Variants in KPNB1 observed in about 807,000 individuals in gnomAD.
KPNB1 encodes the protein importin subunit beta-1.
A neutral mutation model predicts 113.0 loss-of-function variants in KPNB1; 7 were observed. That is an observed-to-expected ratio of 0.06 (90% confidence interval 0.04 to 0.12). The LOEUF (loss-of-function observed/expected upper bound fraction) is 0.12. Ranked by LOEUF, KPNB1 falls within the 10% of genes least tolerant of loss-of-function variation. The pLI is 1.00. For missense variants in KPNB1, 400 were observed against 1,054.8 expected (o/e 0.38, Z 8.60); for synonymous variants, 363 against 378.6 (o/e 0.96, Z 0.48).
intron 9 of KPNB1, among the ~76,000 whole-genome samples, chr17:47,665,850 A>G (rs1939703083): frequency 6.6e-6 from 1 of 152,216 alleles, no homozygotes; most frequent in Non-Finnish European, 1.5e-5. Flanking sequence ...ATTACCAAAG[A>G]GCTGCTAGTA....
At chr17:47,668,977 A>G (rs2030370856) in intron 10 of KPNB1, among the ~76,000 whole-genome samples, 1 of 151,106 alleles carries the variant, frequency 6.6e-6, no homozygotes. Context: ...AAAAAAAAAA[A>G]AAGAGTTTGT....
In KPNB1 at chr17:47,652,762, A is replaced by G; in HGVS notation, c.168A>G (p.Ala56=). ...GAAACAGTCAGGTTGCCAGAGTTGC[A>G]GCTGGTCTACAAATCAAGAACTCTT... The part of the protein sequence containing the change: ...NPGNSQVARV[A]AGLQIKNSLT... The change falls in exon 3 of 22, where the codon GCA becomes GCG. Residue 56 remains alanine, a synonymous_variant. Transcript: ENST00000290158. The G allele has an allele frequency of 6.2e-7, 1 of 1,613,706 alleles. No homozygotes were observed. Among genetic ancestry groups the G allele is most frequent in the Non-Finnish European group, 8.5e-7 (1 of 1,179,900 alleles).
At chr17:47,666,048 TG>T (rs1218223394) in intron 9 of KPNB1, among the ~76,000 whole-genome samples, 1 of 152,068 alleles carries the variant, frequency 6.6e-6, no homozygotes, top group African/African-American at 2.4e-5. Context: ...TTTTTGTTTT[TG>T]TTTTTGTTTT....
intron 8 of KPNB1, among the ~76,000 whole-genome samples, chr17:47,664,651 A>C (rs528609994): frequency 6.6e-6 from 1 of 152,278 alleles, no homozygotes; most frequent in Non-Finnish European, 1.5e-5. Flanking sequence ...TATGGAAGAG[A>C]ATGGGGAGTT....
At position 47,664,264 on chromosome 17, in the gene KPNB1, T is replaced by G; in HGVS notation, c.892T>G (p.Ser298Ala). The G allele has an allele frequency of 1.3e-6, 2 of 1,597,918 alleles. No homozygotes were observed. Among genetic ancestry groups the G allele is most frequent in the Non-Finnish European group, 1.7e-6 (2 of 1,165,284 alleles). ...DEEMDLAIEA[S>A]EAAEQGRPPE... ...GGAAATGGATTTGGCCATTGAAGCTTCAGAGGTGAGCTGGGGAGAACTATT... is the reference window on the plus strand; with the variant it reads ...GGAAATGGATTTGGCCATTGAAGCTGCAGAGGTGAGCTGGGGAGAACTATT... Residue 298 changes from serine (S) to alanine (A), a missense_variant, in exon 8 of 22, where the codon TCA becomes GCA. Ser to Ala is a moderately conservative substitution (Grantham distance 99). Transcript: ENST00000290158.
At chr17:47,671,010 CTT>C (rs998880593) in intron 12 of KPNB1, among the ~76,000 whole-genome samples, 178 bp downstream of exon 12, 7 of 152,258 alleles carry the variant, frequency 4.6e-5, no homozygotes, top group African/African-American at 1.7e-4. Context: ...ATTCCCAGCA[CTT>C]TGGGAGGCCA....
chr17:47,651,556 G>C (rs1402139363), intron 2 of KPNB1, among the ~76,000 whole-genome samples: 1 of 152,186 alleles, frequency 6.6e-6, no homozygotes, highest in Admixed American at 6.5e-5. Context: ...TTTCCTAGAA[G>C]AGATTTTTCC....
chr17:47,658,789 A>G, intron 5 of KPNB1, 129 bp downstream of exon 5: 1 of 719,052 alleles, frequency 1.4e-6, no homozygotes, highest in Non-Finnish European at 2.2e-6. Flanking sequence ...ATTTGTTTCC[A>G]GTTTAGTCGA....
At chr17:47,663,018 T>C in intron 6 of KPNB1, 71 bp from the exon 7 acceptor site, 1 of 823,716 alleles carries the variant, frequency 1.2e-6, no homozygotes, top group South Asian at 1.3e-5. Flanking sequence ...TATTGGCCCA[T>C]TTGAGTGAAT....
At chr17:47,677,192 G>A in intron 17 of KPNB1, 65 bp downstream of exon 17, 1 of 1,179,006 alleles carries the variant, frequency 8.5e-7, no homozygotes, top group Non-Finnish European at 1.2e-6. Context: ...TGGAAAGATA[G>A]TTAAATATCG....
intron 18 of KPNB1, 59 bp from the exon 19 acceptor site, chr17:47,678,249 A>C: frequency 6.2e-7 from 1 of 1,610,900 alleles, no homozygotes; most frequent in Non-Finnish European, 8.5e-7. Flanking sequence ...GGGACTATTG[A>C]CAAACATGCA....
At chr17:47,656,596 A>G (rs2029917217) in intron 3 of KPNB1, among the ~76,000 whole-genome samples, 1 of 151,554 alleles carries the variant, frequency 6.6e-6, no homozygotes, top group Non-Finnish European at 1.5e-5. Flanking sequence ...TCAACAAAAG[A>G]TAGCTGGGCA....
In KPNB1 at chr17:47,685,257, A is replaced by G. The variant is rs181513892; in HGVS notation, c.*2853A>G. The stretch of plus-strand genomic sequence containing the variant: ...TTTAACTTTCAGAACCAAGCAATCT[A>G]TTTACTCTTACAAATATTTAAGAAG... On this transcript the variant is annotated 3_prime_UTR_variant, in exon 22 of 22. Coordinates refer to ENST00000290158, the MANE Select transcript of KPNB1 (RefSeq NM_002265.6). 5.3e-5 allele frequency: 8 copies of G among 152,296 alleles called. No homozygotes were observed. Among genetic ancestry groups the G allele is most frequent in the East Asian group, 1.9e-4 (1 of 5,188 alleles). 9.4% of individuals were successfully genotyped at this position (152,296 alleles called of 1,614,324 possible).
intron 10 of KPNB1, 61 bp downstream of exon 10, chr17:47,668,471 A>G (rs2030356260): frequency 1.5e-6 from 2 of 1,352,858 alleles, no homozygotes; most frequent in Non-Finnish European, 2.1e-6. Flanking sequence ...CTTAAAGCAT[A>G]TCTTTATTTT....
intron 20 of KPNB1, 124 bp from the exon 21 acceptor site, chr17:47,680,384 C>T (rs2030735787): frequency 1.8e-6 from 2 of 1,125,570 alleles, no homozygotes. Flanking sequence ...CTAGTGACCT[C>T]TACTGAGGGT....
At chr17:47,675,396 T>TTTTTTTTTTTTTTTTTTTTTTTG (rs1191537975) in intron 15 of KPNB1, among the ~76,000 whole-genome samples, 1 of 140,400 alleles carries the variant, frequency 7.1e-6, no homozygotes, top group Non-Finnish European at 1.5e-5. Flanking sequence ...TTTGTTTTTT[T>TTTTTTTTTTTTTTTTTTTTTTTG]TTTGAGACTT....
At chr17:47,659,175 C>T (rs1333075436) in intron 5 of KPNB1, among the ~76,000 whole-genome samples, 1 of 151,866 alleles carries the variant, frequency 6.6e-6, no homozygotes, top group Non-Finnish European at 1.5e-5. Flanking sequence ...GGTGAAACCC[C>T]ATCTCTACTA....
In KPNB1 at chr17:47,658,669, T is replaced by G; in HGVS notation, c.636+9T>G. On this transcript the variant is annotated intron_variant, in intron 5 of 21. Transcript: ENST00000290158. ...CAAACTTTGATAAAGAGGTAAGTTT[T>G]TTGACAATAAGGTATAGATTCAGAC... 30 of 1,611,076 alleles carry G rather than the reference T, an allele frequency of 1.9e-5. No individual in the cohort carries two copies. The highest frequency in any genetic ancestry group is 2.5e-5 in the Non-Finnish European group (29 of 1,178,658).
chr17:47,658,332 G>C (rs1448849920), intron 4 of KPNB1, among the ~76,000 whole-genome samples, 176 bp from the exon 5 acceptor site: 2 of 152,136 alleles, frequency 1.3e-5, no homozygotes, highest in Admixed American at 1.3e-4. Flanking sequence ...ACTGTATTAA[G>C]GGAATGATGA....
Sources: gnomAD v4.1 joint callset for allele counts (sites outside exome capture counted in the v4.1 genomes callset) on GRCh38, gnomAD v4.1.1 for gene constraint, MANE v1.5 for transcripts, NCBI Gene and HGNC (gene_info 2026-07-23, HGNC 2026-07-21) for gene names.